Variants in TEAD1 observed in about 807,000 individuals in gnomAD.
The protein encoded by TEAD1 is TEA domain transcription factor 1, also known as transcriptional enhancer factor TEF-1.
TEAD1 carries 9 observed loss-of-function variants against 54.9 expected under a neutral mutation model. The ratio of observed to expected loss-of-function variants is 0.16; its 90% CI spans 0.10 to 0.29. The LOEUF (loss-of-function observed/expected upper bound fraction) is 0.29, where lower values mean the gene tolerates loss of function less well. TEAD1 is among the 10% of genes least tolerant of loss of function. TEAD1 has a pLI of 1.00. For synonymous variants in TEAD1, 200 were observed against 187.8 expected (o/e 1.07, Z -0.53); for missense variants, 387 against 535.9 (o/e 0.72, Z 2.74).
chr11:12,893,160 T>C (rs1948233013), intron 9 of TEAD1, among the ~76,000 whole-genome samples: 1 of 152,244 alleles, frequency 6.6e-6, no homozygotes, highest in African/African-American at 2.4e-5. Context: ...AAAGTACATT[T>C]GGCCTTCCAG....
At chr11:12,701,575 G>A (rs1053321154) in intron 2 of TEAD1, among the ~76,000 whole-genome samples, 2 of 152,100 alleles carry the variant, frequency 1.3e-5, no homozygotes, top group Non-Finnish European at 2.9e-5. Context: ...GGTTTTCACT[G>A]TCTTTAGTTT....
chr11:12,928,932 T>C (rs12575403), intron 11 of TEAD1, among the ~76,000 whole-genome samples: 91,776 of 151,880 alleles, frequency 0.6, 28,131 homozygotes, highest in South Asian at 0.76. Context: ...GTATTAACTG[T>C]AGTCACCATG....
At chr11:12,936,119 A>G (rs1949095095) in intron 12 of TEAD1, among the ~76,000 whole-genome samples, 1 of 152,224 alleles carries the variant, frequency 6.6e-6, no homozygotes, top group African/African-American at 2.4e-5. Context: ...CACAAAAGTA[A>G]CAGAGTCACT....
chr11:12,696,095 G>A (rs985380565), intron 2 of TEAD1, among the ~76,000 whole-genome samples: 1 of 152,230 alleles, frequency 6.6e-6, no homozygotes, highest in Non-Finnish European at 1.5e-5. Flanking sequence ...CTGTACAGCT[G>A]TGCCTCCTTA....
intron 2 of TEAD1, among the ~76,000 whole-genome samples, chr11:12,703,376 T>C (rs140609861): frequency 1.1e-4 from 17 of 152,298 alleles, no homozygotes; most frequent in Non-Finnish European, 1.9e-4. Context: ...CGTGGAGATA[T>C]TATCATAACA....
At chr11:12,752,865 C>T (rs1944903799) in intron 2 of TEAD1, among the ~76,000 whole-genome samples, 1 of 150,502 alleles carries the variant, frequency 6.6e-6, no homozygotes, top group East Asian at 1.9e-4. Context: ...TTTTTTAAGA[C>T]AGTGTCTCAC....
At chr11:12,807,091 T>A (rs145228069) in intron 3 of TEAD1, among the ~76,000 whole-genome samples, 4 of 152,188 alleles carry the variant, frequency 2.6e-5, no homozygotes, top group Non-Finnish European at 2.9e-5. Flanking sequence ...CAGACAAATA[T>A]CTTACACCAG....
chr11:12,924,172 G>A (rs191966613), intron 10 of TEAD1, among the ~76,000 whole-genome samples: 2 of 152,232 alleles, frequency 1.3e-5, no homozygotes, highest in Non-Finnish European at 2.9e-5. Context: ...GCCTTGGCCT[G>A]CACTGTACCC....
chr11:12,726,558 A>AT (rs1384160451), intron 2 of TEAD1, among the ~76,000 whole-genome samples: 2 of 151,118 alleles, frequency 1.3e-5, no homozygotes, highest in Admixed American at 6.6e-5. Flanking sequence ...TGGGGGGAAA[A>AT]AAAGTAAAAC....
At chr11:12,771,933 A>G (rs1945319573) in intron 3 of TEAD1, among the ~76,000 whole-genome samples, 1 of 152,204 alleles carries the variant, frequency 6.6e-6, no homozygotes, top group African/African-American at 2.4e-5. Flanking sequence ...AAAAGACAAA[A>G]CAACTACTGA....
At chr11:12,748,386 T>C (rs1944794573) in intron 2 of TEAD1, among the ~76,000 whole-genome samples, 1 of 152,198 alleles carries the variant, frequency 6.6e-6, no homozygotes. Context: ...GGTGGCCGGC[T>C]GTGTCCAGGC....
At chr11:12,711,227 C>T (rs931713386) in intron 2 of TEAD1, among the ~76,000 whole-genome samples, 3 of 151,948 alleles carry the variant, frequency 2.0e-5, no homozygotes, top group South Asian at 4.2e-4. Flanking sequence ...GTGATCAGGC[C>T]GTGGAAGAGA....
intron 3 of TEAD1, among the ~76,000 whole-genome samples, chr11:12,764,911 T>C (rs1259736903): frequency 6.7e-6 from 1 of 150,042 alleles, no homozygotes; most frequent in Non-Finnish European, 1.5e-5. Flanking sequence ...ATCTACTCTT[T>C]TTAAAAAGCC....
At chr11:12,715,122 G>A (rs1049571321) in intron 2 of TEAD1, among the ~76,000 whole-genome samples, 4 of 152,058 alleles carry the variant, frequency 2.6e-5, no homozygotes, top group Admixed American at 1.3e-4. Flanking sequence ...CCATGGGGTC[G>A]GGGAGTTTAG....
rs111937177 is a variant in TEAD1, at chr11:12,937,224, C to A, written c.*2C>A. ...ATTTACAGGCTTGTAAAGGACTGAACATGGTTATTTATATATATAGATATC... is the reference window on the plus strand; with the variant it reads ...ATTTACAGGCTTGTAAAGGACTGAAAATGGTTATTTATATATATAGATATC... On this transcript the variant is annotated 3_prime_UTR_variant, in exon 13 of 13. Transcript: ENST00000527636. The A allele has an allele frequency of 1.1e-5, 18 of 1,597,776 alleles. No individual in the cohort carries two copies. In the African/African-American group the frequency reaches 1.9e-4, roughly 17 times the overall value.
intron 3 of TEAD1, among the ~76,000 whole-genome samples, chr11:12,799,268 T>C (rs1426470236): frequency 6.6e-6 from 1 of 152,242 alleles, no homozygotes. Flanking sequence ...ATGTTTTCAT[T>C]ATCCCACTTC....
intron 10 of TEAD1, among the ~76,000 whole-genome samples, chr11:12,911,078 GA>G (rs1948609716): frequency 6.6e-6 from 1 of 152,088 alleles, no homozygotes. Context: ...ATTTTTAAAG[GA>G]AGAAAAAGCA....
intron 10 of TEAD1, among the ~76,000 whole-genome samples, chr11:12,915,221 G>A (rs1351353151): frequency 1.3e-5 from 2 of 152,086 alleles, no homozygotes; most frequent in African/African-American, 4.8e-5. Flanking sequence ...GTTCCAGCAG[G>A]CTTTTCCCCA....
rs181125021 is a variant in TEAD1 at position 12,691,962 on chromosome 11, A to G, written c.-55+16401A>G. 6.6e-5 allele frequency among the ~76,000 whole-genome samples: 10 copies of G among 152,312 alleles called. No homozygotes were observed. The East Asian group carries it at 1.9e-3, about 29-fold the overall frequency. On this transcript the variant is annotated intron_variant, in intron 2 of 12. Coordinates refer to ENST00000527636, the MANE Select transcript of TEAD1 (RefSeq NM_021961.6). ...GTCCTAGTCATTTAAAGAATTTATC[A>G]CTAGTCTATTATTTTTATAAGCTTA...
Sources: allele counts gnomAD v4.1 joint callset (sites outside exome capture counted in the v4.1 genomes callset), GRCh38; gene constraint gnomAD v4.1.1; transcripts MANE v1.5; gene names NCBI Gene and HGNC (gene_info 2026-07-23, HGNC 2026-07-21).